SPEF2: variants seen among roughly 807,000 people sequenced by gnomAD.
SPEF2 encodes the protein sperm flagella and cilia-associated protein 2.
SPEF2 carries 187 observed loss-of-function variants against 224.6 expected under a neutral mutation model. The observed-to-expected ratio is 0.83, with a 90% confidence interval of 0.74 to 0.94. SPEF2 has a LOEUF of 0.94. SPEF2 is among the 40% of genes least tolerant of loss of function. The pLI is 0.00. For synonymous variants in SPEF2, 715 were observed against 707.3 expected (o/e 1.01, Z -0.17); for missense variants, 2,170 against 2,135.6 (o/e 1.02, Z -0.32).
intron 2 of SPEF2, among the ~76,000 whole-genome samples, chr5:35,640,756 C>T (rs286447): frequency 0.61 from 92,102 of 151,984 alleles, 28,613 homozygotes; most frequent in East Asian, 0.74. Context: ...AAAAGAGTTA[C>T]TAGTACACAG....
chr5:35,643,020 A>G (rs535724912), intron 3 of SPEF2, among the ~76,000 whole-genome samples: 22 of 152,194 alleles, frequency 1.4e-4, no homozygotes, highest in Non-Finnish European at 4.4e-5. Context: ...AAAAACAGGG[A>G]TGCTTATTTC....
chr5:35,783,807 A>C (rs1754686517), intron 30 of SPEF2, among the ~76,000 whole-genome samples: 1 of 152,204 alleles, frequency 6.6e-6, no homozygotes, highest in African/African-American at 2.4e-5. Flanking sequence ...CAAATACATA[A>C]GGAAGACAGC....
chr5:35,777,871 T>G (rs1162866974), intron 29 of SPEF2, among the ~76,000 whole-genome samples: 2 of 152,124 alleles, frequency 1.3e-5, no homozygotes, highest in Non-Finnish European at 2.9e-5. Flanking sequence ...TAGTCATGTT[T>G]TACAGAGTAT....
chr5:35,709,027 TC>T lies in SPEF2; in HGVS notation c.2747del (p.Pro916LeufsTer70). 3 of 1,613,600 alleles carry T rather than the reference TC, an allele frequency of 1.9e-6. No homozygotes were observed. Among genetic ancestry groups the T allele is most frequent in the Non-Finnish European group, 2.5e-6 (3 of 1,179,644 alleles). On this transcript the variant is annotated frameshift_variant, in exon 19 of 37. Transcript: ENST00000356031. LOFTEE classifies it high-confidence loss of function. The part of the protein sequence containing the change: ...LAELPLPTPP[P>X]APPPEPEKEK... ...CTGAGCTTCCACTTCCTACACCTCCTCCTGCTCCTCCTCCTGAACCAGAAAA... is the reference window on the plus strand; with the variant it reads ...CTGAGCTTCCACTTCCTACACCTCCTCTGCTCCTCCTCCTGAACCAGAAAA...
At chr5:35,672,489 G>C (rs188146572) in intron 10 of SPEF2, among the ~76,000 whole-genome samples, 2,044 of 151,350 alleles carry the variant, frequency 0.014, 29 homozygotes, top group South Asian at 0.054. Context: ...TCCGCTGCCT[G>C]TTGTGATAGA....
intron 9 of SPEF2, among the ~76,000 whole-genome samples, chr5:35,668,383 G>A (rs151213805): frequency 2.6e-4 from 40 of 152,226 alleles, no homozygotes; most frequent in Admixed American, 3.9e-4. Flanking sequence ...CTTAGGCTGC[G>A]TGGGAAAGAG....
intron 21 of SPEF2, among the ~76,000 whole-genome samples, chr5:35,736,559 C>T (rs1242619279): frequency 6.6e-6 from 1 of 152,130 alleles, no homozygotes; most frequent in East Asian, 1.9e-4. Context: ...AACTCACTAT[C>T]ATGAGCACAG....
chr5:35,763,952 G>A (rs571002113), intron 26 of SPEF2, among the ~76,000 whole-genome samples: 72 of 152,278 alleles, frequency 4.7e-4, no homozygotes, highest in African/African-American at 1.7e-3. Flanking sequence ...GGGCCTAAAG[G>A]CAGTCAGGAA....
At chr5:35,662,919 G>A (rs1193316798) in intron 8 of SPEF2, among the ~76,000 whole-genome samples, 1 of 152,066 alleles carries the variant, frequency 6.6e-6, no homozygotes, top group Admixed American at 6.6e-5. Flanking sequence ...TTGAGAGTGG[G>A]AGGAGATGGC....
chr5:35,629,345 G>A (rs1744760511), intron 2 of SPEF2, among the ~76,000 whole-genome samples: 1 of 151,406 alleles, frequency 6.6e-6, no homozygotes, highest in East Asian at 1.9e-4. Context: ...TTTTAGTAGA[G>A]ACGAGGTTTC....
chr5:35,759,050 A>T (rs1011968428), intron 24 of SPEF2, among the ~76,000 whole-genome samples: 35 of 151,586 alleles, frequency 2.3e-4, no homozygotes, highest in African/African-American at 8.0e-4. Flanking sequence ...AAGAAAAAAA[A>T]AACTTTATGT....
At chr5:35,798,345 C>A (rs1283642205) in intron 33 of SPEF2, among the ~76,000 whole-genome samples, 1 of 152,170 alleles carries the variant, frequency 6.6e-6, no homozygotes, top group Non-Finnish European at 1.5e-5. Context: ...TTCTGCTCAG[C>A]CACACTGACC....
intron 21 of SPEF2, among the ~76,000 whole-genome samples, chr5:35,736,160 G>A (rs950275525): frequency 6.6e-6 from 1 of 152,078 alleles, no homozygotes; most frequent in South Asian, 2.1e-4. Context: ...AGGAAATGAG[G>A]GTCCCAAGAG....
At chr5:35,686,418 C>T (rs16902416) in intron 10 of SPEF2, among the ~76,000 whole-genome samples, 41,466 of 151,836 alleles carry the variant, frequency 0.27, 8,179 homozygotes, top group African/African-American at 0.55. Context: ...TTACTAAATA[C>T]ATTTTATGTG....
intron 33 of SPEF2, among the ~76,000 whole-genome samples, chr5:35,797,246 A>G (rs1756788720): frequency 6.6e-6 from 1 of 152,088 alleles, no homozygotes; most frequent in Non-Finnish European, 1.5e-5. Context: ...GGAAAGGAAC[A>G]AAGTCAGCAG....
chr5:35,674,392 T>C (rs1251986089), intron 10 of SPEF2, among the ~76,000 whole-genome samples: 1 of 149,284 alleles, frequency 6.7e-6, no homozygotes, highest in African/African-American at 2.4e-5. Context: ...TTATTATTAT[T>C]ATATTTTAAG....
At chr5:35,776,709 T>C (rs956754902) in intron 29 of SPEF2, among the ~76,000 whole-genome samples, 2 of 152,172 alleles carry the variant, frequency 1.3e-5, no homozygotes, top group Non-Finnish European at 2.9e-5. Flanking sequence ...TTAAAAATAG[T>C]TTTTAGAAGT....
chr5:35,713,720 A>G (rs1038921654), intron 20 of SPEF2, among the ~76,000 whole-genome samples: 4 of 127,770 alleles, frequency 3.1e-5, no homozygotes, highest in African/African-American at 1.1e-4. Flanking sequence ...CCTGGGTGAC[A>G]GACTCTGTCT....
chr5:35,739,449 C>G (rs1370908255), intron 21 of SPEF2, among the ~76,000 whole-genome samples: 1 of 152,156 alleles, frequency 6.6e-6, no homozygotes, highest in Admixed American at 6.5e-5. Flanking sequence ...ACAGCATGAT[C>G]CTGGCTCAGT....
Sources: gnomAD v4.1 joint callset for allele counts (sites outside exome capture counted in the v4.1 genomes callset) on GRCh38, gnomAD v4.1.1 for gene constraint, MANE v1.5 for transcripts, NCBI Gene and HGNC (gene_info 2026-07-23, HGNC 2026-07-21) for gene names.